Variants in IAH1 observed in about 807,000 individuals in gnomAD.
IAH1 encodes the protein isoamyl acetate hydrolyzing esterase 1 (putative), also known as isoamyl acetate-hydrolyzing esterase 1 homolog.
In IAH1, 24 loss-of-function variants were observed where a neutral mutation model predicts 26.7. The observed-to-expected ratio is 0.90, with a 90% confidence interval of 0.65 to 1.26. The LOEUF (loss-of-function observed/expected upper bound fraction) is 1.26. Among genes scored for constraint, IAH1 ranks in the 50% most tolerant of loss-of-function variants. The pLI is 0.00. For synonymous variants in IAH1, 140 were observed against 118.5 expected (o/e 1.18, Z -1.18); for missense variants, 300 against 299.9 (o/e 1.00, Z 0.00).
At chr2:9,478,644 T>C (rs1225369844) in intron 3 of IAH1, among the ~76,000 whole-genome samples, 1 of 152,196 alleles carries the variant, frequency 6.6e-6, no homozygotes, top group African/African-American at 2.4e-5. Flanking sequence ...TGTAATGTGT[T>C]CTCTTTAGTT....
downstream of IAH1, chr2:9,497,262 C>T (rs1558496806): frequency 3.7e-6 from 6 of 1,613,462 alleles, no homozygotes; most frequent in African/African-American, 1.3e-5. Flanking sequence ...GAAGCAAACA[C>T]CAGTCATAAC....
upstream of IAH1, chr2:9,473,992 C>G (rs1682314845): frequency 6.6e-6 from 1 of 152,286 alleles, no homozygotes; most frequent in Admixed American, 6.5e-5. Flanking sequence ...ATCTGCGCAT[C>G]CACCCCACGG....
the IAH1 span, chr2:9,502,082 G>T: frequency 8.9e-7 from 1 of 1,125,778 alleles, no homozygotes. Flanking sequence ...AAAATAAGGT[G>T]TCTCTCATCT....
the IAH1 span, among the ~76,000 whole-genome samples, chr2:9,501,701 C>A: frequency 6.6e-6 from 1 of 152,154 alleles, no homozygotes; most frequent in African/African-American, 2.4e-5. Context: ...CATTCATTAT[C>A]CCAAGATTGT....
intron 5 of IAH1, chr2:9,486,248 A>C (rs572359293): frequency 6.6e-6 from 1 of 152,336 alleles, no homozygotes; most frequent in Admixed American, 6.5e-5. Flanking sequence ...CTAGGCCTCT[A>C]GTCTTCCTCT....
chr2:9,477,770 A>G (rs1459521881), intron 2 of IAH1, among the ~76,000 whole-genome samples: 1 of 151,978 alleles, frequency 6.6e-6, no homozygotes, highest in Non-Finnish European at 1.5e-5. Flanking sequence ...CAACGAATGT[A>G]TTTACTAAAA....
rs753180319 is a variant in IAH1 at position 9,484,447 on chromosome 2, G to A, written c.461G>A (p.Arg154His). ...TCTTCAATAGGTTGCAAACTAAATC[G>A]CCTGAACTCTGTTGTTGGTGAATAT... ...QCIIQGCKLN[R>H]LNSVVGEYAN... Residue 154 changes from arginine (R) to histidine (H), a missense_variant, in exon 5 of 6, where the codon CGC becomes CAC. Physicochemically the swap from Arg to His is conservative, Grantham distance 29. Coordinates refer to ENST00000497473, the MANE Select transcript of IAH1 (RefSeq NM_001039613.3). The A allele has an allele frequency of 6.1e-5, 99 of 1,613,926 alleles. No homozygotes were observed. The highest frequency in any genetic ancestry group is 7.8e-5 in the Non-Finnish European group (92 of 1,179,920).
the IAH1 span, chr2:9,505,400 A>C: frequency 6.7e-4 from 1,054 of 1,567,424 alleles, 5 homozygotes; most frequent in African/African-American, 0.011. Flanking sequence ...ACCCAAAATA[A>C]TATCATAAAA....
At chr2:9,497,225 G>C, downstream of IAH1, 1 of 1,614,202 alleles carries the variant, frequency 6.2e-7, no homozygotes, top group Non-Finnish European at 8.5e-7. Context: ...GCATTTCCTG[G>C]AGGCGGGCAC....
intron 2 of IAH1, among the ~76,000 whole-genome samples, 163 bp downstream of exon 2, chr2:9,476,202 CA>C (rs1660779707): frequency 1.3e-5 from 2 of 152,242 alleles, no homozygotes; most frequent in Non-Finnish European, 2.9e-5. Flanking sequence ...ATTTACTCTT[CA>C]CTCAGTCTGA....
intron 5 of IAH1, 24 bp downstream of exon 5, chr2:9,484,574 TC>T (rs1393544076): frequency 6.7e-7 from 1 of 1,487,496 alleles, no homozygotes; most frequent in Non-Finnish European, 9.4e-7. Context: ...CTCGGTCCTC[TC>T]GGGGTAAATA....
downstream of IAH1, chr2:9,497,373 A>G: frequency 8.0e-7 from 1 of 1,249,382 alleles, no homozygotes; most frequent in South Asian, 1.4e-5. Context: ...AGTGACCTAC[A>G]GAGCTAGGAC....
At chr2:9,497,169 C>T, downstream of IAH1, 1 of 1,614,222 alleles carries the variant, frequency 6.2e-7, no homozygotes, top group Non-Finnish European at 8.5e-7. Flanking sequence ...GGATGCATTT[C>T]CCATCCTTAC....
chr2:9,487,824 G>A (rs1359391956), intron 5 of IAH1, among the ~76,000 whole-genome samples: 9 of 95,068 alleles, frequency 9.5e-5, no homozygotes, highest in African/African-American at 3.8e-4. Context: ...GTGTGTGTGT[G>A]TGTGTGTGTG....
Position 9,474,607 on chromosome 2 carries a change from T to C in IAH1, c.41T>C (p.Leu14Pro), listed in dbSNP as rs1682365467. ...CEAAGCGSALLWPRLLLFGDS... is the reference protein window; with the variant it reads ...CEAAGCGSALPWPRLLLFGDS... ...GCCGCGGGCTGCGGGAGTGCCCTGCTCTGGCCTCGCTTGTTGCTCTTCGGG... is the reference window on the plus strand; with the variant it reads ...GCCGCGGGCTGCGGGAGTGCCCTGCCCTGGCCTCGCTTGTTGCTCTTCGGG... The change falls in exon 1 of 6, where the codon CTC becomes CCC. Residue 14 changes from leucine to proline, a missense_variant. Leu to Pro is a moderately conservative substitution (Grantham distance 98). Transcript: ENST00000497473. This position sits in a 1 kb window ranked among gnomAD's most constrained non-coding sequence, Gnocchi z 4.3. 6.5e-7 allele frequency: 1 copy of C among 1,542,326 alleles called. No homozygotes were observed. Among genetic ancestry groups the C allele is most frequent in the Non-Finnish European group, 8.7e-7 (1 of 1,147,182 alleles).
chr2:9,505,301 A>G, the IAH1 span: 1 of 1,614,206 alleles, frequency 6.2e-7, no homozygotes, highest in Non-Finnish European at 8.5e-7. Context: ...GCGTTCTTGA[A>G]AACACTCCTG....
downstream of IAH1, among the ~76,000 whole-genome samples, chr2:9,501,102 A>G (rs1205106129): frequency 1.3e-5 from 2 of 152,212 alleles, no homozygotes; most frequent in Non-Finnish European, 2.9e-5. Flanking sequence ...ACTCCTCCAA[A>G]TTCACAGTAG....
At chr2:9,499,113 C>CTT (rs59259119), downstream of IAH1, among the ~76,000 whole-genome samples, 2,230 of 47,384 alleles carry the variant, frequency 0.047, 57 homozygotes, top group African/African-American at 0.083. Context: ...CTTTCTTCTT[C>CTT]TTTTTTTTTT....
chr2:9,500,003 T>G (rs1162247079), downstream of IAH1, among the ~76,000 whole-genome samples: 1 of 152,214 alleles, frequency 6.6e-6, no homozygotes, highest in Non-Finnish European at 1.5e-5. Flanking sequence ...GTCTGACAGC[T>G]CCTCAAAAGA....
Sources: gnomAD v4.1 joint callset for allele counts (sites outside exome capture counted in the v4.1 genomes callset) on GRCh38, gnomAD v4.1.1 for gene constraint, Gnocchi (gnomAD v3.1) non-coding constraint, MANE v1.5 for transcripts, NCBI Gene and HGNC (gene_info 2026-07-23, HGNC 2026-07-21) for gene names.